NAV3: variants seen among roughly 807,000 people sequenced by gnomAD.
The protein encoded by NAV3 is neuron navigator 3.
NAV3 carries 87 observed loss-of-function variants against 244.7 expected under a neutral mutation model. That is an observed-to-expected ratio of 0.36 (90% confidence interval 0.30 to 0.42). NAV3 has a LOEUF of 0.42. NAV3 is among the 20% of genes least tolerant of loss of function. NAV3 has a pLI of 1.00. For synonymous variants in NAV3, 1,126 were observed against 1,042.2 expected, an observed-to-expected ratio of 1.08 and a Z score of -1.55; for missense variants, 2,663 against 2,893.3, an observed-to-expected ratio of 0.92 and a Z score of 1.83.
intron 2 of NAV3, among the ~76,000 whole-genome samples, chr12:77,740,904 A>C (rs1868316541): frequency 1.3e-5 from 2 of 151,994 alleles, no homozygotes; most frequent in Non-Finnish European, 2.9e-5. Flanking sequence ...CTCTTACACC[A>C]AGCATGGTGT....
chr12:77,819,569 T>C (rs1265123196), intron 2 of NAV3, among the ~76,000 whole-genome samples: 1 of 151,994 alleles, frequency 6.6e-6, no homozygotes, highest in Non-Finnish European at 1.5e-5. Flanking sequence ...TTTTTTCTAC[T>C]CTCACCGTTG....
At chr12:78,194,231 G>T (rs1959104618) in intron 34 of NAV3, among the ~76,000 whole-genome samples, 1 of 151,856 alleles carries the variant, frequency 6.6e-6, no homozygotes, top group Non-Finnish European at 1.5e-5. Flanking sequence ...GACAATTTCA[G>T]CCCCAAACAC....
chr12:77,907,615 T>C (rs539145298), intron 1 of NAV3, among the ~76,000 whole-genome samples: 18 of 152,216 alleles, frequency 1.2e-4, no homozygotes, highest in African/African-American at 4.3e-4. Context: ...AGTAGCAATG[T>C]GTTTGTGGAA....
intron 8 of NAV3, among the ~76,000 whole-genome samples, chr12:78,020,591 T>C (rs1011089719): frequency 6.6e-6 from 1 of 152,142 alleles, no homozygotes; most frequent in African/African-American, 2.4e-5. Context: ...AGACAACATG[T>C]AGTTTTCCAT....
chr12:78,142,714 TAC>T (rs1565714040), intron 20 of NAV3, among the ~76,000 whole-genome samples: 718 of 64,648 alleles, frequency 0.011, 22 homozygotes, highest in Admixed American at 0.031. Context: ...TGTATATATA[TAC>T]ATATATATGT....
At chr12:77,706,370 T>A (rs1161749367) in intron 2 of NAV3, among the ~76,000 whole-genome samples, 1 of 151,362 alleles carries the variant, frequency 6.6e-6, no homozygotes, top group African/African-American at 2.5e-5. Flanking sequence ...ACTTGTCTCT[T>A]TTCCACATAA....
chr12:77,672,885 A>C (rs2137081961), intron 2 of NAV3, among the ~76,000 whole-genome samples: 1 of 152,288 alleles, frequency 6.6e-6, no homozygotes, highest in South Asian at 2.1e-4. Context: ...TGATTTTAAA[A>C]CTATATGACT....
At chr12:77,618,154 T>A (rs951869782) in intron 2 of NAV3, among the ~76,000 whole-genome samples, 1 of 152,236 alleles carries the variant, frequency 6.6e-6, no homozygotes, top group Non-Finnish European at 1.5e-5. Flanking sequence ...CCAGCCCCAG[T>A]TGAGCCTTCA....
intron 9 of NAV3, among the ~76,000 whole-genome samples, chr12:78,030,877 AATTCTTCTTAAC>A (rs1267414905): frequency 1.3e-5 from 2 of 152,182 alleles, no homozygotes; most frequent in African/African-American, 4.8e-5. Flanking sequence ...ATGGGAAACA[AATTCTTCTTAAC>A]TTACTCTTTT....
At chr12:78,081,117 C>A (rs572381460) in intron 12 of NAV3, among the ~76,000 whole-genome samples, 4 of 152,234 alleles carry the variant, frequency 2.6e-5, no homozygotes, top group South Asian at 4.1e-4. Flanking sequence ...TCTTTTGAGT[C>A]TTTCTTTAAT....
chr12:77,793,064 T>A (rs997508775), intron 2 of NAV3, among the ~76,000 whole-genome samples: 1 of 152,010 alleles, frequency 6.6e-6, no homozygotes, highest in Non-Finnish European at 1.5e-5. Context: ...ACCAAATTTC[T>A]CCCACCCACA....
intron 1 of NAV3, among the ~76,000 whole-genome samples, 198 bp downstream of exon 1, chr12:77,831,902 A>G (rs1352919184): frequency 6.6e-6 from 1 of 152,210 alleles, no homozygotes; most frequent in African/African-American, 2.4e-5. Context: ...AAAAGTCATG[A>G]TCAAAATTTT....
intron 17 of NAV3, among the ~76,000 whole-genome samples, chr12:78,128,204 C>G (rs1956004521): frequency 6.6e-6 from 1 of 151,568 alleles, no homozygotes; most frequent in Admixed American, 6.6e-5. Flanking sequence ...ACATCTCCCT[C>G]CTTATTTTTG....
intron 1 of NAV3, among the ~76,000 whole-genome samples, chr12:77,853,619 A>G (rs752698666): frequency 1.2e-4 from 19 of 152,194 alleles, no homozygotes; most frequent in Non-Finnish European, 4.4e-5. Context: ...ACATTTCAAC[A>G]TACACAATAA....
Position 77,994,883 on chromosome 12 carries a change from T to G in NAV3, c.740+12T>G. 1 of 1,577,342 alleles carries G rather than the reference T, an allele frequency of 6.3e-7. No homozygotes were observed. Among genetic ancestry groups the G allele is most frequent in the Non-Finnish European group, 8.7e-7 (1 of 1,150,694 alleles). ...AAAAAGCCTACTAGGTCAGTTAATATTCTCTAATTTATTGCTTATTAGTGA... is the reference window on the plus strand; with the variant it reads ...AAAAAGCCTACTAGGTCAGTTAATAGTCTCTAATTTATTGCTTATTAGTGA... On this transcript the variant is annotated intron_variant, in intron 6 of 39. Transcript: ENST00000397909.
intron 2 of NAV3, among the ~76,000 whole-genome samples, chr12:77,736,945 C>T (rs770978769): frequency 6.6e-6 from 1 of 151,864 alleles, no homozygotes; most frequent in African/African-American, 2.4e-5. Flanking sequence ...ACAGTAGTGC[C>T]GTAATTGAGA....
At chr12:77,701,429 C>T (rs1081334) in intron 2 of NAV3, among the ~76,000 whole-genome samples, 129,462 of 151,748 alleles carry the variant, frequency 0.85, 56,708 homozygotes, top group East Asian at 1. Flanking sequence ...TTTTCTCTTT[C>T]TTCTTGATCA....
At chr12:77,956,524 T>A (rs913126316) in intron 3 of NAV3, among the ~76,000 whole-genome samples, 5 of 152,132 alleles carry the variant, frequency 3.3e-5, no homozygotes, top group African/African-American at 1.2e-4. Context: ...ACTTTTTACA[T>A]TGTAGCAGGG....
At chr12:78,095,936 T>C (rs182795182) in intron 12 of NAV3, among the ~76,000 whole-genome samples, 10 of 152,288 alleles carry the variant, frequency 6.6e-5, no homozygotes, top group African/African-American at 2.2e-4. Context: ...ACTTGCTACA[T>C]AGGCTAGTGG....
Sources: allele counts gnomAD v4.1 joint callset (sites outside exome capture counted in the v4.1 genomes callset), GRCh38; gene constraint gnomAD v4.1.1; transcripts MANE v1.5; gene names NCBI Gene and HGNC (gene_info 2026-07-23, HGNC 2026-07-21).